The following ZNF777 variants were observed in gnomAD, a reference collection of about 807,000 sequenced individuals.
The protein encoded by ZNF777 is zinc finger protein 777.
In ZNF777, 7 loss-of-function variants were observed where a neutral mutation model predicts 72.1. The ratio of observed to expected loss-of-function variants is 0.10; its 90% confidence interval spans 0.06 to 0.18. The LOEUF (loss-of-function observed/expected upper bound fraction) is 0.18. Among genes scored for constraint, ZNF777 ranks in the 10% least tolerant of loss-of-function variants. The pLI is 1.00. For missense variants in ZNF777, 828 were observed against 1,128.6 expected (o/e 0.73, Z 3.82); for synonymous variants, 545 against 483.5 (o/e 1.13, Z -1.67).
chr7:149,434,534 G>A (rs374947048), intron 5 of ZNF777, among the ~76,000 whole-genome samples: 1 of 152,170 alleles, frequency 6.6e-6, no homozygotes, highest in African/African-American at 2.4e-5. Context: ...AATAGATCCT[G>A]AGAAGCACTA....
intron 4 of ZNF777, among the ~76,000 whole-genome samples, chr7:149,442,216 CAAA>C (rs528928411): frequency 0.46 from 38,027 of 82,624 alleles, 6,012 homozygotes; most frequent in Non-Finnish European, 0.51. Context: ...GACTCTGTCT[CAAA>C]AAAAAAAAAA....
At chr7:149,441,438 C>A (rs1585692554) in intron 4 of ZNF777, among the ~76,000 whole-genome samples, 1 of 152,326 alleles carries the variant, frequency 6.6e-6, no homozygotes, top group East Asian at 1.9e-4. Context: ...AACAGGCTAT[C>A]TGTAACCCTA....
At chr7:149,442,649 G>A (rs1027697683) in intron 4 of ZNF777, among the ~76,000 whole-genome samples, 49 of 150,914 alleles carry the variant, frequency 3.2e-4, no homozygotes, top group African/African-American at 1.2e-3. Context: ...CCACAAACTA[G>A]GAAAAGTATT....
chr7:149,435,080 CTT>C (rs1212123690), intron 5 of ZNF777, among the ~76,000 whole-genome samples: 1 of 152,186 alleles, frequency 6.6e-6, no homozygotes, highest in African/African-American at 2.4e-5. Context: ...TACCTTATGT[CTT>C]TTCACTATTC....
Position 149,432,803 on chromosome 7 carries a change from G to T in ZNF777, c.1469C>A (p.Pro490Gln), listed in dbSNP as rs975942117. Residue 490 changes from proline to glutamine, a missense_variant, in exon 6 of 6, where the codon CCG becomes CAG. Pro to Gln is a moderately conservative substitution (Grantham distance 76). This residue lies in a region of ZNF777 where 219 missense variants were observed against 223.0 expected (regional missense o/e 0.98). Coordinates refer to ENST00000247930, the MANE Select transcript of ZNF777 (RefSeq NM_015694.3). ...GRYEASMYQT[P>Q]LPGEMSPEGE... The stretch of plus-strand genomic sequence containing the variant: ...CTCGGGGGACATCTCCCCGGGCAGC[G>T]GGGTCTGGTACATACTGGCCTCATA... The T allele has an allele frequency of 6.2e-7, 1 of 1,607,666 alleles. No homozygotes were observed. The highest frequency in any genetic ancestry group is 1.7e-5 in the Admixed American group (1 of 59,700).
chr7:149,451,098 T>G lies in ZNF777; in HGVS notation c.988A>C (p.Lys330Gln). The change falls in exon 4 of 6, where the codon AAA becomes CAA. Residue 330 changes from lysine to glutamine, a missense_variant. This residue lies in a region of ZNF777 where 73 missense variants were observed against 90.6 expected (regional missense o/e 0.81). Transcript: ENST00000247930. ...SLVSMDYAIS[K>Q]PDLMSQMERG... ...TCCATCTGTGACATGAGGTCTGGTT[T>G]GGAAATTGCATAGTCTAGGCAGAAG... 6.2e-7 allele frequency: 1 copy of G among 1,613,940 alleles called. No individual in the cohort carries two copies. The highest frequency in any genetic ancestry group is 1.1e-5 in the South Asian group (1 of 91,088).
intron 3 of ZNF777, among the ~76,000 whole-genome samples, chr7:149,452,558 G>A (rs1476900781): frequency 6.6e-6 from 1 of 150,602 alleles, no homozygotes; most frequent in Non-Finnish European, 1.5e-5. Flanking sequence ...GCATGAACCT[G>A]GGAGGCGGAG....
Position 149,436,171 on chromosome 7 carries a change from G to A in ZNF777, c.1339+404C>T, listed in dbSNP as rs936226833. Among the ~76,000 whole-genome samples, 15 of 152,200 alleles carry A rather than the reference G, an allele frequency of 9.9e-5. No homozygotes were observed. The highest frequency in any genetic ancestry group is 9.2e-4 in the Admixed American group (14 of 15,286). On this transcript the variant is annotated intron_variant, in intron 5 of 5. Transcript: ENST00000247930. This position sits in a 1 kb window ranked among gnomAD's most constrained non-coding sequence, Gnocchi z 5.0. ...GGTGCTATTGTTATTTGAAAACCATGCTCTCCAGGGCTGAAATCTTCAAGG... is the reference window on the plus strand; with the variant it reads ...GGTGCTATTGTTATTTGAAAACCATACTCTCCAGGGCTGAAATCTTCAAGG...
rs887624739 is a variant in ZNF777, at chr7:149,455,569, C to T, written c.454G>A (p.Asp152Asn). ...GAAACCGGGCTCTGGAGCAGCGGGT[C>T]CATGTCAGTCTCGGGAACTGTTGGG... is the stretch of plus-strand genomic sequence containing the variant. ...LSPTVPETDM[D>N]PLLQSPVSQK... Residue 152 changes from aspartate to asparagine, a missense_variant, in exon 2 of 6, where the codon GAC becomes AAC. By Grantham distance (23) the Asp-to-Asn change is conservative. Transcript: ENST00000247930. The surrounding 1 kb of genome is among the most constrained non-coding windows in gnomAD (Gnocchi z 4.2). 6.2e-7 allele frequency: 1 copy of T among 1,613,368 alleles called. No homozygotes were observed. The highest frequency in any genetic ancestry group is 1.3e-5 in the African/African-American group (1 of 74,710).
chr7:149,431,695 C>T lies in ZNF777; in HGVS notation c.*81G>A. ...GGGGCTGGGGGGCGCCCCGCCCCCG[C>T]CCGCTGGGCTCGGGCCTGGCGGTGT... On this transcript the variant is annotated 3_prime_UTR_variant, in exon 6 of 6. Coordinates refer to ENST00000247930, the MANE Select transcript of ZNF777 (RefSeq NM_015694.3). 2 of 1,154,950 alleles carry T rather than the reference C, an allele frequency of 1.7e-6. No individual in the cohort carries two copies. Among genetic ancestry groups the T allele is most frequent in the Middle Eastern group, 3.5e-4 (1 of 2,892 alleles). The allele number at this position is 1,154,950 out of a possible 1,614,324, so 71.5% of individuals were successfully genotyped here. A position where few individuals can be genotyped will look rare whatever the true frequency, so the allele number is the denominator to read the frequency against.
rs774834641 is a variant in ZNF777 at position 149,436,778 on chromosome 7, C to A, written c.1136G>T (p.Gly379Val). 3.7e-6 allele frequency: 6 copies of A among 1,614,116 alleles called. No individual in the cohort carries two copies. The Middle Eastern group carries it at 6.6e-4, about 178-fold the overall frequency. ...CTCAGGTGTCTCCAAACTTTCTGAG[C>A]CCTCGTCGTTGGTCTGTACCTCGAT... is the stretch of plus-strand genomic sequence containing the variant. ...IKIEVQTNDE[G>V]SESLETPEPL... Residue 379 changes from glycine to valine, a missense_variant, in exon 5 of 6, where the codon GGC becomes GTC. This residue lies in a region of ZNF777 where 219 missense variants were observed against 223.0 expected (regional missense o/e 0.98). Transcript: ENST00000247930. The surrounding 1 kb of genome is among the most constrained non-coding windows in gnomAD (Gnocchi z 5.0).
rs200419920 is a variant in ZNF777, at chr7:149,432,091, G to A, written c.2181C>T (p.Cys727=). Residue 727 remains cysteine (C), a synonymous_variant, in exon 6 of 6, where the codon TGC becomes TGT. Transcript: ENST00000247930. ...TGERPFKCPE[C]EKSFSEKSKL... is the part of the protein sequence containing the mutation. ...TGGACTTCTCGCTGAAGCTCTTCTC[G>A]CACTCGGGGCACTTGAAGGGCCGCT... The A allele has an allele frequency of 2.9e-5, 46 of 1,605,678 alleles. No homozygotes were observed. Among genetic ancestry groups the A allele is most frequent in the Non-Finnish European group, 1.7e-6 (2 of 1,179,910 alleles).
At chr7:149,452,841 T>C (rs761532148) in intron 3 of ZNF777, among the ~76,000 whole-genome samples, 3 of 152,190 alleles carry the variant, frequency 2.0e-5, no homozygotes, top group Non-Finnish European at 4.4e-5. Flanking sequence ...TCCTGTTTAC[T>C]TGGCAATCCC....
At chr7:149,445,833 G>A (rs904420410) in intron 4 of ZNF777, among the ~76,000 whole-genome samples, 2 of 152,102 alleles carry the variant, frequency 1.3e-5, no homozygotes, top group Admixed American at 6.6e-5. Context: ...AGCTTTAAGC[G>A]GTCTCTTTAA....
At chr7:149,446,934 C>T (rs1334104635) in intron 4 of ZNF777, among the ~76,000 whole-genome samples, 2 of 152,174 alleles carry the variant, frequency 1.3e-5, no homozygotes, top group Non-Finnish European at 2.9e-5. Flanking sequence ...AACCACACAG[C>T]AGAATACGAC....
rs780455280 is a variant in ZNF777, at chr7:149,432,381, C to A, written c.1891G>T (p.Gly631Cys). 3 of 1,612,946 alleles carry A rather than the reference C, an allele frequency of 1.9e-6. No individual in the cohort carries two copies. In the East Asian group the frequency reaches 6.7e-5, roughly 36 times the overall value. ...GGGCACTTGTAGGGCTTAGGGCCAC[C>A]GCCGCCGCTACCAGAGCTGGGTGAC... ...PKSPSSGSGG[G>C]GPKPYKCPEC... Residue 631 changes from glycine (G) to cysteine (C), a missense_variant, in exon 6 of 6, where the codon GGT becomes TGT. Gly to Cys is a radical substitution (Grantham distance 159). Transcript: ENST00000247930.
rs1172143759 is a variant in ZNF777 at position 149,445,051 on chromosome 7, A to G, written c.1087+5948T>C. On this transcript the variant is annotated intron_variant, in intron 4 of 5. Transcript: ENST00000247930. Reference sequence around the variant, plus strand: ...TCTTATTCTTTCCCTATTCCCTTCCATCCTTTATTTTTATTTTTTTCCCTA... The same window carrying G: ...TCTTATTCTTTCCCTATTCCCTTCCGTCCTTTATTTTTATTTTTTTCCCTA... Among the ~76,000 whole-genome samples the G allele has an allele frequency of 2.0e-5, 3 of 151,030 alleles. No individual in the cohort carries two copies. The East Asian group carries it at 5.8e-4, about 29-fold the overall frequency.
rs145364161 is a variant in ZNF777 at position 149,449,559 on chromosome 7, T to C, written c.1087+1440A>G. On this transcript the variant is annotated intron_variant, in intron 4 of 5. Transcript: ENST00000247930. ...TGGGACAGCAGATTGTATTTTAGGA[T>C]TTTAACCACAAATCATCTCTCCTGA... Among the ~76,000 whole-genome samples, 450 of 152,276 alleles carry C rather than the reference T, an allele frequency of 3.0e-3. 4 individuals are homozygous for C. The highest frequency in any genetic ancestry group is 9.1e-3 in the African/African-American group (379 of 41,562).
Position 149,454,136 on chromosome 7 carries a change from G to A in ZNF777, c.948C>T (p.Gly316=). The change falls in exon 3 of 6, where the codon GGC becomes GGT. Residue 316 remains glycine (G), a synonymous_variant. Transcript: ENST00000247930. ...QKELYKNVMR[G]NYESLVSMDY... ...CCATGGAAACCAGGGACTCGTAGTT[G>A]CCCCTCATCACGTTCTTGTAGAGCT... is the stretch of plus-strand genomic sequence containing the variant. 6.2e-7 allele frequency: 1 copy of A among 1,614,166 alleles called. No homozygotes were observed. The highest frequency in any genetic ancestry group is 1.1e-5 in the South Asian group (1 of 91,080).
Sources: gnomAD v4.1 joint callset for allele counts (sites outside exome capture counted in the v4.1 genomes callset) on GRCh38, gnomAD v4.1.1 for gene constraint, gnomAD v4.1.1 regional missense constraint, Gnocchi (gnomAD v3.1) non-coding constraint, MANE v1.5 for transcripts, NCBI Gene and HGNC (gene_info 2026-07-23, HGNC 2026-07-21) for gene names.